CEP85L: variants seen among roughly 807,000 people sequenced by gnomAD.
CEP85L encodes centrosomal protein 85L, also known as centrosomal protein of 85 kDa-like.
CEP85L carries 60 observed loss-of-function variants against 100.3 expected under a neutral mutation model. The ratio of observed to expected loss-of-function variants is 0.60; its 90% CI spans 0.49 to 0.74. The LOEUF (loss-of-function observed/expected upper bound fraction) is 0.74, where lower values mean the gene tolerates loss of function less well. Ranked by LOEUF, CEP85L falls within the 30% of genes least tolerant of loss-of-function variation. The pLI, the probability that CEP85L is intolerant of heterozygous loss-of-function variation, is 0.00. For missense variants in CEP85L, 973 were observed against 936.2 expected (o/e 1.04, Z -0.51); for synonymous variants, 319 against 322.7 (o/e 0.99, Z 0.12).
intron 3 of CEP85L, chr6:118,559,947 ACTATAT>A (rs1779126482): frequency 6.0e-6 from 1 of 167,020 alleles, no homozygotes; most frequent in Non-Finnish European, 1.5e-5. Flanking sequence ...AGCTTACCAT[ACTATAT>A]CTTTGGAATC....
chr6:118,589,076 G>A (rs553955068), intron 2 of CEP85L: 16 of 308,970 alleles, frequency 5.2e-5, no homozygotes, highest in African/African-American at 2.7e-4. Context: ...TGCCATGAAC[G>A]GAGACAGCAC....
intron 3 of CEP85L, among the ~76,000 whole-genome samples, chr6:118,550,377 T>C (rs1330871792): frequency 1.3e-5 from 2 of 151,814 alleles, no homozygotes; most frequent in East Asian, 3.8e-4. Context: ...AATTATGTAA[T>C]ATATTAAATT....
intron 10 of CEP85L, among the ~76,000 whole-genome samples, chr6:118,472,917 T>C (rs910732386): frequency 3.3e-5 from 5 of 152,178 alleles, no homozygotes; most frequent in Non-Finnish European, 1.5e-5. Context: ...ATAAGCACAT[T>C]TGTTGTTTTA....
chr6:118,533,865 C>T (rs1055433025), intron 3 of CEP85L, among the ~76,000 whole-genome samples: 20 of 151,914 alleles, frequency 1.3e-4, no homozygotes, highest in African/African-American at 4.8e-4. Flanking sequence ...GAGGCCGAGG[C>T]AGGTGGATCT....
At chr6:118,501,550 G>A (rs1304455403) in intron 5 of CEP85L, 2 of 511,924 alleles carry the variant, frequency 3.9e-6, no homozygotes. Flanking sequence ...TCAGCAACAT[G>A]AAAGAAGAGA....
At chr6:118,517,950 T>C (rs1308744622) in intron 4 of CEP85L, among the ~76,000 whole-genome samples, 2 of 152,230 alleles carry the variant, frequency 1.3e-5, no homozygotes, top group African/African-American at 4.8e-5. Context: ...TGAAGGGGTG[T>C]CGAATTTTAT....
At chr6:118,642,085 G>A (rs1774919896) in intron 1 of CEP85L, among the ~76,000 whole-genome samples, 1 of 152,134 alleles carries the variant, frequency 6.6e-6, no homozygotes, top group Non-Finnish European at 1.5e-5. Flanking sequence ...TGAATTACAT[G>A]ATGCATCCAT....
chr6:118,673,321 G>A (rs1016889975), intron 1 of CEP85L, among the ~76,000 whole-genome samples: 2 of 152,160 alleles, frequency 1.3e-5, no homozygotes, highest in African/African-American at 4.8e-5. Context: ...ATATCCAAAG[G>A]GATATGAAAA....
chr6:118,564,147 G>A (rs1025053946), intron 3 of CEP85L, among the ~76,000 whole-genome samples: 2 of 152,100 alleles, frequency 1.3e-5, no homozygotes, highest in African/African-American at 4.8e-5. Flanking sequence ...ATTGCTTTGA[G>A]GCTAAGAAAA....
At chr6:118,668,599 T>G (rs937168383) in intron 1 of CEP85L, among the ~76,000 whole-genome samples, 2 of 152,218 alleles carry the variant, frequency 1.3e-5, no homozygotes, top group Admixed American at 6.5e-5. Flanking sequence ...TTTATCCTTA[T>G]GTACTTTCAG....
rs566134791 is a variant in CEP85L, at chr6:118,610,121, C to T, written c.232+22332G>A. 4.6e-5 allele frequency among the ~76,000 whole-genome samples: 7 copies of T among 152,100 alleles called. No homozygotes were observed. The South Asian group carries it at 1.5e-3, about 32-fold the overall frequency. On this transcript the variant is annotated intron_variant, in intron 2 of 12. Coordinates refer to ENST00000368491, the MANE Select transcript of CEP85L (RefSeq NM_001042475.3). The stretch of plus-strand genomic sequence containing the variant: ...AAATCATCACCACACATAGAGTTAC[C>T]TCCAATTTAGAGATTTTTTTAAAAA...
At chr6:118,663,441 G>A (rs1583238877) in intron 1 of CEP85L, among the ~76,000 whole-genome samples, 1 of 152,222 alleles carries the variant, frequency 6.6e-6, no homozygotes, top group East Asian at 1.9e-4. Flanking sequence ...ATTTATGATG[G>A]CTATGTAGCA....
chr6:118,693,662 A>G (rs1366660510), intron 1 of CEP85L, among the ~76,000 whole-genome samples: 1 of 152,224 alleles, frequency 6.6e-6, no homozygotes, highest in African/African-American at 2.4e-5. Flanking sequence ...TTGTGCACCC[A>G]GAGATACAAC....
At chr6:118,662,911 GAAAGAGC>G (rs1213898749) in intron 1 of CEP85L, among the ~76,000 whole-genome samples, 1 of 152,132 alleles carries the variant, frequency 6.6e-6, no homozygotes, top group Non-Finnish European at 1.5e-5. Context: ...TGATATAGTG[GAAAGAGC>G]ATAAGTATTG....
chr6:118,612,674 A>G (rs67909382), intron 2 of CEP85L, among the ~76,000 whole-genome samples: 2 of 3,522 alleles, frequency 5.7e-4, no homozygotes, highest in Non-Finnish European at 7.3e-4. Flanking sequence ...AAAAAAAAAA[A>G]GCGGGGGGGG....
chr6:118,654,809 A>T (rs1775733694), upstream of CEP85L, among the ~76,000 whole-genome samples: 1 of 152,250 alleles, frequency 6.6e-6, no homozygotes, highest in African/African-American at 2.4e-5. Flanking sequence ...AAACATGTTA[A>T]TCTTTGTAAA....
intron 1 of CEP85L, among the ~76,000 whole-genome samples, chr6:118,680,732 T>C (rs959996326): frequency 2.0e-5 from 3 of 151,990 alleles, no homozygotes; most frequent in Non-Finnish European, 4.4e-5. Flanking sequence ...AAAAATTAAC[T>C]GGTTTGGTGG....
chr6:118,549,689 T>C (rs748365489), intron 3 of CEP85L, among the ~76,000 whole-genome samples: 47 of 152,010 alleles, frequency 3.1e-4, no homozygotes, highest in Middle Eastern at 3.4e-3. Context: ...ATAAAAGTCA[T>C]TCAGTGTAGG....
At chr6:118,655,390 C>T (rs1775754239), upstream of CEP85L, among the ~76,000 whole-genome samples, 1 of 152,180 alleles carries the variant, frequency 6.6e-6, no homozygotes, top group Non-Finnish European at 1.5e-5. Context: ...AAAGGACCAT[C>T]AATGTTTTCA....
Sources: gnomAD v4.1 joint callset for allele counts (sites outside exome capture counted in the v4.1 genomes callset) on GRCh38, gnomAD v4.1.1 for gene constraint, MANE v1.5 for transcripts, NCBI Gene and HGNC (gene_info 2026-07-23, HGNC 2026-07-21) for gene names.